PLEKHG4B: variants seen among roughly 807,000 people sequenced by gnomAD.
The protein encoded by PLEKHG4B is pleckstrin homology and RhoGEF domain containing G4B.
In PLEKHG4B, 111 loss-of-function variants were observed where a neutral mutation model predicts 121.3. That is an observed-to-expected ratio of 0.92 (90% CI 0.78 to 1.07). PLEKHG4B has a LOEUF of 1.07. Among genes scored for constraint, PLEKHG4B ranks in the 50% least tolerant of loss-of-function variants. PLEKHG4B has a pLI of 0.00. For synonymous variants in PLEKHG4B, 738 were observed against 725.0 expected (o/e 1.02, Z -0.29); for missense variants, 1,831 against 1,757.8 (o/e 1.04, Z -0.74).
chr5:110,788 C>T (rs556440564), intron 1 of PLEKHG4B, among the ~76,000 whole-genome samples: 79 of 152,394 alleles, frequency 5.2e-4, no homozygotes, highest in African/African-American at 1.9e-3. Flanking sequence ...GTGCACACAC[C>T]CGCACCGTCT....
At position 183,241 on chromosome 5, in the gene PLEKHG4B, TC is replaced by T. The variant is rs966636735; in HGVS notation, c.*921del. The T allele has an allele frequency of 2.0e-5, 3 of 152,192 alleles. No individual in the cohort carries two copies. Among genetic ancestry groups the T allele is most frequent in the Non-Finnish European group, 2.9e-5 (2 of 68,038 alleles). 9.4% of individuals were successfully genotyped at this position (152,192 alleles called of 1,614,324 possible). ...AACCATTCCCAGATAATTCACTTTA[TC>T]CCAGAACAAAGCTCCAGATGATCTA... On this transcript the variant is annotated 3_prime_UTR_variant, in exon 20 of 20. Transcript: ENST00000637938.
At chr5:106,703 A>G (rs1291291269) in intron 1 of PLEKHG4B, among the ~76,000 whole-genome samples, 1 of 152,192 alleles carries the variant, frequency 6.6e-6, no homozygotes, top group African/African-American at 2.4e-5. Flanking sequence ...CTGAGAGCAG[A>G]CGTAGGTGTT....
intron 2 of PLEKHG4B, among the ~76,000 whole-genome samples, chr5:118,912 G>A (rs1734384884): frequency 6.6e-6 from 1 of 151,176 alleles, no homozygotes; most frequent in Admixed American, 6.6e-5. Flanking sequence ...GTGCAGTGGT[G>A]CGATCATGGC....
chr5:92,896 G>GT (rs1298213112), intron 1 of PLEKHG4B, among the ~76,000 whole-genome samples: 1 of 152,156 alleles, frequency 6.6e-6, no homozygotes, highest in East Asian at 1.9e-4. Context: ...GTTGATTTGA[G>GT]TAAGAAACAT....
chr5:167,053 C>T (rs918719216), intron 13 of PLEKHG4B, among the ~76,000 whole-genome samples: 1 of 152,182 alleles, frequency 6.6e-6, no homozygotes, highest in Non-Finnish European at 1.5e-5. Context: ...AGGGGGGACT[C>T]CTGCCGACCC....
intron 2 of PLEKHG4B, among the ~76,000 whole-genome samples, chr5:135,346 C>T (rs1734925361): frequency 6.6e-6 from 1 of 151,720 alleles, no homozygotes; most frequent in Admixed American, 6.6e-5. Flanking sequence ...GTAAACACAT[C>T]TCATGTTCAT....
intron 16 of PLEKHG4B, 57 bp downstream of exon 16, chr5:171,501 T>A: frequency 6.9e-7 from 1 of 1,454,198 alleles, no homozygotes; most frequent in Non-Finnish European, 9.3e-7. Context: ...AGGCTGCTGG[T>A]GAGAAAGTCT....
intron 1 of PLEKHG4B, among the ~76,000 whole-genome samples, chr5:98,603 TTGTGTG>T (rs35724214): frequency 0.015 from 1,714 of 111,556 alleles, 42 homozygotes; most frequent in African/African-American, 0.055. Flanking sequence ...CCTGGCTAAT[TTGTGTG>T]TGTGTGTGTG....
chr5:173,897 A>G, intron 17 of PLEKHG4B, 21 bp from the exon 18 acceptor site: 1 of 1,610,180 alleles, frequency 6.2e-7, no homozygotes, highest in Non-Finnish European at 8.5e-7. Context: ...TGGTGCTGCA[A>G]TGGGTGTTTG....
chr5:142,802 T>A (rs1321324829), intron 3 of PLEKHG4B, among the ~76,000 whole-genome samples: 3 of 152,202 alleles, frequency 2.0e-5, no homozygotes, highest in Non-Finnish European at 4.4e-5. Context: ...CGTCTGCAGG[T>A]AGTGAGCATG....
intron 2 of PLEKHG4B, among the ~76,000 whole-genome samples, chr5:125,995 A>T (rs1734601667): frequency 1.3e-5 from 2 of 152,190 alleles, no homozygotes; most frequent in Non-Finnish European, 2.9e-5. Context: ...GTTGCATGTG[A>T]TGAGTCACTT....
At chr5:120,714 C>G (rs908160088) in intron 2 of PLEKHG4B, among the ~76,000 whole-genome samples, 5 of 152,136 alleles carry the variant, frequency 3.3e-5, no homozygotes, top group East Asian at 1.9e-4. Flanking sequence ...AGGAAACATG[C>G]CTGCATTAGA....
At position 102,180 on chromosome 5, in the gene PLEKHG4B, A is replaced by G. The variant is rs1733840172; in HGVS notation, c.45+9904A>G. Among the ~76,000 whole-genome samples the G allele has an allele frequency of 2.0e-5, 3 of 152,178 alleles. No individual in the cohort carries two copies. In the South Asian group the frequency reaches 6.2e-4, roughly 32 times the overall value. ...AGAGACTGCTGTGAGGTTAATCCATATAAATCCCTGGAAGAAGTAGTAGGG... is the reference window on the plus strand; with the variant it reads ...AGAGACTGCTGTGAGGTTAATCCATGTAAATCCCTGGAAGAAGTAGTAGGG... On this transcript the variant is annotated intron_variant, in intron 1 of 19. Transcript: ENST00000637938.
intron 6 of PLEKHG4B, among the ~76,000 whole-genome samples, chr5:145,910 T>A (rs1735393162): frequency 6.6e-6 from 1 of 151,988 alleles, no homozygotes; most frequent in Non-Finnish European, 1.5e-5. Flanking sequence ...AGGCAGAGGC[T>A]CCTATACTCA....
intron 6 of PLEKHG4B, among the ~76,000 whole-genome samples, chr5:150,459 A>G (rs1027220598): frequency 3.3e-5 from 5 of 152,176 alleles, no homozygotes; most frequent in Admixed American, 6.5e-5. Context: ...TTATGAATGT[A>G]CCTAAGACTG....
In PLEKHG4B at chr5:112,670, G is replaced by A. The variant is rs996608027; in HGVS notation, c.46-581G>A. Among the ~76,000 whole-genome samples, 37 of 152,326 alleles carry A rather than the reference G, an allele frequency of 2.4e-4. 1 individual carries two copies. The highest frequency in any genetic ancestry group is 8.9e-4 in the African/African-American group (37 of 41,586). On this transcript the variant is annotated intron_variant, in intron 1 of 19. Transcript: ENST00000637938. ...AGCAGCCTTGAGGAGGGCACCCTAA[G>A]GTTTTCACCATCAGTACTGTTTAAA...
At chr5:176,493 C>T (rs1736765386) in intron 18 of PLEKHG4B, among the ~76,000 whole-genome samples, 2 of 152,214 alleles carry the variant, frequency 1.3e-5, no homozygotes, top group Non-Finnish European at 2.9e-5. Context: ...TCCAAAGGGA[C>T]GGGGTCCGTG....
In PLEKHG4B at chr5:171,203, G is replaced by T; in HGVS notation, c.3820-11G>T. 1 of 1,603,042 alleles carries T rather than the reference G, an allele frequency of 6.2e-7. No homozygotes were observed. Among genetic ancestry groups the T allele is most frequent in the South Asian group, 1.1e-5 (1 of 90,394 alleles). ...CAGGCCGGAGCTGACCCTCTCACCC[G>T]GCCCTTGCAGGACAAGCAGCGGGAG... is the stretch of plus-strand genomic sequence containing the variant. On this transcript the variant is annotated splice_polypyrimidine_tract_variant and intron_variant, in intron 15 of 19. Transcript: ENST00000637938.
chr5:181,380 C>T, intron 18 of PLEKHG4B, 134 bp from the exon 19 acceptor site: 2 of 905,762 alleles, frequency 2.2e-6, no homozygotes, highest in South Asian at 1.8e-5. Context: ...CCCCCATGCC[C>T]CTCGTGGGGC....
Sources: gnomAD v4.1 joint callset for allele counts (sites outside exome capture counted in the v4.1 genomes callset) on GRCh38, gnomAD v4.1.1 for gene constraint, MANE v1.5 for transcripts, NCBI Gene and HGNC (gene_info 2026-07-23, HGNC 2026-07-21) for gene names.